MYO5C: variants seen among roughly 807,000 people sequenced by gnomAD.
MYO5C encodes myosin VC.
A neutral mutation model predicts 235.7 loss-of-function variants in MYO5C; 194 were observed. The observed-to-expected ratio is 0.82, with a 90% CI of 0.73 to 0.93. The LOEUF (loss-of-function observed/expected upper bound fraction) is 0.93, where lower values mean the gene tolerates loss of function less well. Among genes scored for constraint, MYO5C ranks in the 40% least tolerant of loss-of-function variants. MYO5C has a pLI of 0.00. For synonymous variants in MYO5C, 707 were observed against 754.8 expected, an observed-to-expected ratio of 0.94 and a Z score of 1.04; for missense variants, 2,038 against 2,127.2, an observed-to-expected ratio of 0.96 and a Z score of 0.82.
At chr15:52,287,664 C>CTGCA (rs2037303773) in intron 1 of MYO5C, among the ~76,000 whole-genome samples, 2 of 152,132 alleles carry the variant, frequency 1.3e-5, no homozygotes, top group Non-Finnish European at 2.9e-5. Flanking sequence ...CTTTTTAGAG[C>CTGCA]TGCAGAAAGC....
chr15:52,275,839 A>G, intron 4 of MYO5C, 121 bp from the exon 5 acceptor site: 1 of 955,586 alleles, frequency 1.0e-6, no homozygotes, highest in Non-Finnish European at 1.6e-6. Flanking sequence ...TACTATTTTT[A>G]AATCTCAATC....
intron 36 of MYO5C, among the ~76,000 whole-genome samples, chr15:52,207,539 C>A (rs2035347427): frequency 1.3e-5 from 2 of 152,186 alleles, no homozygotes; most frequent in Admixed American, 1.3e-4. Flanking sequence ...ACCTTACATA[C>A]CAATTTTGGA....
At chr15:52,195,300 A>AT in intron 40 of MYO5C, 77 bp downstream of exon 40, 2 of 978,292 alleles carry the variant, frequency 2.0e-6, no homozygotes, top group South Asian at 3.2e-5. Flanking sequence ...CTGGATTTCT[A>AT]TAATGTTAAT....
chr15:52,282,962 C>A (rs2037191920), intron 1 of MYO5C, 70 bp from the exon 2 acceptor site: 2 of 1,001,836 alleles, frequency 2.0e-6, no homozygotes, highest in Non-Finnish European at 3.2e-6. Flanking sequence ...TGGTTAGACA[C>A]AGGAAGGTTT....
intron 31 of MYO5C, 102 bp from the exon 32 acceptor site, chr15:52,218,789 C>G: frequency 8.0e-7 from 1 of 1,246,258 alleles, no homozygotes; most frequent in Non-Finnish European, 1.1e-6. Flanking sequence ...GGAAGAACAC[C>G]TTGGCCAATT....
intron 25 of MYO5C, among the ~76,000 whole-genome samples, chr15:52,228,358 G>A (rs551819924): frequency 6.6e-6 from 1 of 152,078 alleles, no homozygotes; most frequent in African/African-American, 2.4e-5. Flanking sequence ...TGGTCAGGCT[G>A]GTCTAGAACC....
intron 29 of MYO5C, among the ~76,000 whole-genome samples, 182 bp downstream of exon 29, chr15:52,223,362 G>C (rs941736029): frequency 2.0e-5 from 3 of 152,270 alleles, no homozygotes; most frequent in Middle Eastern, 3.4e-3. Context: ...ACACACTCTT[G>C]TATCAGAGTG....
chr15:52,199,200 T>C (rs1348861538), intron 38 of MYO5C, among the ~76,000 whole-genome samples: 2 of 152,184 alleles, frequency 1.3e-5, no homozygotes, highest in African/African-American at 4.8e-5. Flanking sequence ...GGCCCTACTT[T>C]TAGTTTTTAT....
chr15:52,248,844 A>C, intron 13 of MYO5C, 61 bp from the exon 14 acceptor site: 2 of 1,096,080 alleles, frequency 1.8e-6, no homozygotes, highest in Non-Finnish European at 2.7e-6. Flanking sequence ...CTCTAAGCAC[A>C]AGTTTCATCT....
At chr15:52,232,543 T>C (rs938008878) in intron 24 of MYO5C, 79 bp downstream of exon 24, 11 of 1,350,224 alleles carry the variant, frequency 8.1e-6, no homozygotes, top group Non-Finnish European at 1.1e-5. Flanking sequence ...GTGTCTGCTA[T>C]ATGCAAACTG....
Position 52,229,190 on chromosome 15 carries a change from C to T in MYO5C, c.3150G>A (p.Glu1050=). The T allele has an allele frequency of 6.2e-7, 1 of 1,614,238 alleles. No individual in the cohort carries two copies. Among genetic ancestry groups the T allele is most frequent in the Non-Finnish European group, 8.5e-7 (1 of 1,180,042 alleles). Reference sequence around the variant, plus strand: ...CCTTCAAGCCATCAGAAGTGACGTGCTCCCCCTCCACCAGGTGTTGGAGTT... The same window carrying T: ...CCTTCAAGCCATCAGAAGTGACGTGTTCCCCCTCCACCAGGTGTTGGAGTT... The part of the protein sequence containing the change: ...KMQLQHLVEG[E]HVTSDGLKAE... The change falls in exon 25 of 41, where the codon GAG becomes GAA. Residue 1050 remains glutamate (E), a synonymous_variant. Transcript: ENST00000261839.
chr15:52,229,159 C>T lies in MYO5C; in HGVS notation c.3181G>A (p.Val1061Met), dbSNP rs746886609. 3.1e-6 allele frequency: 5 copies of T among 1,614,212 alleles called. No individual in the cohort carries two copies. Among genetic ancestry groups the T allele is most frequent in the Non-Finnish European group, 4.2e-6 (5 of 1,180,042 alleles). ...HVTSDGLKAE[V>M]ARLSKQVKTI... ...TTGACCTGCTTGCTCAGGCGGGCCA[C>T]TTCCGCCTTCAAGCCATCAGAAGTG... is the stretch of plus-strand genomic sequence containing the variant. Residue 1061 changes from valine to methionine, a missense_variant, in exon 25 of 41, where the codon GTG becomes ATG. Transcript: ENST00000261839.
chr15:52,274,669 T>TCCCC (rs2036999596), intron 5 of MYO5C, among the ~76,000 whole-genome samples: 1 of 119,990 alleles, frequency 8.3e-6, no homozygotes, highest in East Asian at 1.2e-3. Context: ...TGTTTCTTAG[T>TCCCC]ACCCCCCCCC....
intron 25 of MYO5C, among the ~76,000 whole-genome samples, chr15:52,226,139 G>A (rs1282502211): frequency 1.3e-5 from 2 of 152,080 alleles, no homozygotes; most frequent in Non-Finnish European, 2.9e-5. Context: ...GGGGAAGACT[G>A]AGAAAGGTAA....
intron 22 of MYO5C, chr15:52,237,028 A>C (rs1566973543): frequency 6.6e-6 from 1 of 152,442 alleles, no homozygotes; most frequent in East Asian, 1.9e-4. Flanking sequence ...AGCCAGACAA[A>C]GGCAAGATTT....
intron 7 of MYO5C, among the ~76,000 whole-genome samples, chr15:52,270,293 C>T (rs1328229067): frequency 6.6e-6 from 1 of 151,938 alleles, no homozygotes; most frequent in Non-Finnish European, 1.5e-5. Context: ...AACAAAACAA[C>T]AACAAAAAAA....
chr15:52,214,587 A>C lies in MYO5C; in HGVS notation c.4042+16T>G. On this transcript the variant is annotated intron_variant, in intron 33 of 40. Coordinates refer to ENST00000261839, the MANE Select transcript of MYO5C (RefSeq NM_018728.4). The stretch of plus-strand genomic sequence containing the variant: ...CCTTAGCTCAAAAGAATAAGAAAAC[A>C]AGTATTGTTTCTTACCTTTTCCAAT... The C allele has an allele frequency of 6.4e-7, 1 of 1,555,964 alleles. No individual in the cohort carries two copies. The highest frequency in any genetic ancestry group is 1.9e-5 in the Admixed American group (1 of 52,034).
At chr15:52,278,537 G>GT (rs2037097832) in intron 4 of MYO5C, among the ~76,000 whole-genome samples, 1 of 145,916 alleles carries the variant, frequency 6.9e-6, no homozygotes, top group South Asian at 2.3e-4. Flanking sequence ...CCTGCAATGG[G>GT]TAAAAAAAAA....
intron 10 of MYO5C, among the ~76,000 whole-genome samples, chr15:52,258,567 G>A (rs1388670004): frequency 6.6e-6 from 1 of 152,168 alleles, no homozygotes; most frequent in Non-Finnish European, 1.5e-5. Flanking sequence ...TTCCTTTGAG[G>A]CTTCCTTATT....
Sources: allele counts gnomAD v4.1 joint callset (sites outside exome capture counted in the v4.1 genomes callset), GRCh38; gene constraint gnomAD v4.1.1; transcripts MANE v1.5; gene names NCBI Gene and HGNC (gene_info 2026-07-23, HGNC 2026-07-21).